The following ORC5 variants were observed in gnomAD, a reference collection of about 807,000 sequenced individuals.
The protein encoded by ORC5 is protein phosphatase 1, regulatory subunit 117.
ORC5 carries 39 observed loss-of-function variants against 58.8 expected under a neutral mutation model. The ratio of observed to expected loss-of-function variants is 0.66; its 90% confidence interval spans 0.51 to 0.87. The LOEUF is 0.87. Among genes scored for constraint, ORC5 ranks in the 40% least tolerant of loss-of-function variants. The pLI, the probability that ORC5 is intolerant of heterozygous loss-of-function variation, is 0.00. For synonymous variants in ORC5, 218 were observed against 177.6 expected (o/e 1.23, Z -1.81); for missense variants, 493 against 506.3 (o/e 0.97, Z 0.25).
At chr7:104,152,560 C>G (rs1798863414) in intron 12 of ORC5, among the ~76,000 whole-genome samples, 2 of 152,114 alleles carry the variant, frequency 1.3e-5, no homozygotes, top group African/African-American at 4.8e-5. Flanking sequence ...TCATTAAGTT[C>G]TATCTAATGC....
At position 104,129,537 on chromosome 7, in the gene ORC5, C is replaced by T. The variant is rs963512177; in HGVS notation, c.1263-2644G>A. Among the ~76,000 whole-genome samples the T allele has an allele frequency of 1.3e-5, 2 of 152,134 alleles. No homozygotes were observed. Among genetic ancestry groups the T allele is most frequent in the African/African-American group, 4.8e-5 (2 of 41,436 alleles). On this transcript the variant is annotated intron_variant, in intron 13 of 13. Transcript: ENST00000297431. This position sits in a 1 kb window ranked among gnomAD's most constrained non-coding sequence, Gnocchi z 4.9. ...TGATCTCACATATATTATTTTAAGACATGGCAGAATTTGTTAGAATAATCA... is the reference window on the plus strand; with the variant it reads ...TGATCTCACATATATTATTTTAAGATATGGCAGAATTTGTTAGAATAATCA...
At chr7:104,186,171 G>A (rs1004914441) in intron 6 of ORC5, among the ~76,000 whole-genome samples, 3 of 150,874 alleles carry the variant, frequency 2.0e-5, no homozygotes, top group East Asian at 3.9e-4. Context: ...ACCCTTGAAC[G>A]ACATAGGTTT....
At chr7:104,187,131 C>T (rs77063645) in intron 6 of ORC5, among the ~76,000 whole-genome samples, 6,778 of 152,210 alleles carry the variant, frequency 0.045, 497 homozygotes, top group African/African-American at 0.15. Flanking sequence ...GGAGGATTAT[C>T]TGCTCCTAAG....
Position 104,136,694 on chromosome 7 carries a change from G to C in ORC5, c.1262+87C>G, listed in dbSNP as rs1376331213. ...GCACTTAAATAGATGATTTTTTCATGTTTAAATGTCATGACTAATGACATC... is the reference window on the plus strand; with the variant it reads ...GCACTTAAATAGATGATTTTTTCATCTTTAAATGTCATGACTAATGACATC... On this transcript the variant is annotated intron_variant, in intron 13 of 13. Coordinates refer to ENST00000297431, the MANE Select transcript of ORC5 (RefSeq NM_002553.4). This position sits in a 1 kb window ranked among gnomAD's most constrained non-coding sequence, Gnocchi z 4.2. The C allele has an allele frequency of 9.8e-6, 8 of 814,348 alleles. No homozygotes were observed. The highest frequency in any genetic ancestry group is 1.4e-5 in the Non-Finnish European group (7 of 492,200). 50.4% of individuals were successfully genotyped at this position (814,348 alleles called of 1,614,324 possible). A position where few individuals can be genotyped will look rare whatever the true frequency, so the allele number is the denominator to read the frequency against.
rs540706532 is a variant in ORC5, at chr7:104,207,967, G to C, written c.-63C>G. The stretch of plus-strand genomic sequence containing the variant: ...CCACAGGACCCTTGCACAAGACGGA[G>C]CCTCTCCCGAGTCTGGCGGCCCACG... On this transcript the variant is annotated 5_prime_UTR_variant, in exon 1 of 14. Transcript: ENST00000297431. 2.5e-5 allele frequency: 37 copies of C among 1,477,564 alleles called. No homozygotes were observed. Among genetic ancestry groups the C allele is most frequent in the East Asian group, 4.6e-5 (2 of 43,618 alleles). 91.5% of individuals were successfully genotyped at this position (1,477,564 alleles called of 1,614,324 possible). A position where few individuals can be genotyped will look rare whatever the true frequency, so the allele number is the denominator to read the frequency against.
At chr7:104,207,743 T>C in intron 1 of ORC5, 90 bp downstream of exon 1, 1 of 1,304,678 alleles carries the variant, frequency 7.7e-7, no homozygotes, top group Non-Finnish European at 1.1e-6. Flanking sequence ...TGGCCCTCAA[T>C]CCAAACACGA....
In ORC5 at chr7:104,168,496, T is replaced by C. The variant is rs199590591; in HGVS notation, c.854A>G (p.Asp285Gly). ...SSQWEKLQKDDTDPGQLKGLS... is the reference protein window; with the variant it reads ...SSQWEKLQKDGTDPGQLKGLS... ...ACCTTTCAGTTGCCCCGGATCTGTG[T>C]CATCTTTCTGTAGCTTTTCCCACTG... is the stretch of plus-strand genomic sequence containing the variant. Residue 285 changes from aspartate to glycine, a missense_variant, in exon 9 of 14, where the codon GAC becomes GGC. Transcript: ENST00000297431. The C allele has an allele frequency of 1.1e-5, 17 of 1,589,880 alleles. No homozygotes were observed. In the Middle Eastern group the frequency reaches 5.0e-4, roughly 47 times the overall value.
intron 8 of ORC5, among the ~76,000 whole-genome samples, chr7:104,182,964 G>A (rs868533556): frequency 7.9e-5 from 12 of 151,984 alleles, no homozygotes; most frequent in East Asian, 3.9e-4. Context: ...TTGAAACCCC[G>A]TCTCTACTAA....
chr7:104,190,960 T>G (rs969734310), intron 5 of ORC5, among the ~76,000 whole-genome samples: 1 of 151,764 alleles, frequency 6.6e-6, no homozygotes, highest in Non-Finnish European at 1.5e-5. Flanking sequence ...ATCTGAAAAT[T>G]TATAAACAGA....
intron 6 of ORC5, 155 bp from the exon 7 acceptor site, chr7:104,184,326 T>A (rs1003375932): frequency 1.2e-5 from 7 of 597,494 alleles, no homozygotes; most frequent in Non-Finnish European, 1.5e-5. Context: ...CATGTGCCTG[T>A]AATCCCAGCT....
intron 5 of ORC5, among the ~76,000 whole-genome samples, chr7:104,188,635 G>C (rs530729849): frequency 3.3e-5 from 5 of 152,262 alleles, no homozygotes; most frequent in Non-Finnish European, 5.9e-5. Flanking sequence ...AGAAGGATAA[G>C]AGGAGTATCT....
chr7:104,181,286 A>G (rs955978342), intron 8 of ORC5, among the ~76,000 whole-genome samples: 2 of 152,222 alleles, frequency 1.3e-5, no homozygotes, highest in South Asian at 2.1e-4. Context: ...TTAGTAAAGT[A>G]TATTTTGTGA....
intron 6 of ORC5, 111 bp downstream of exon 6, chr7:104,188,140 T>C (rs1799589363): frequency 3.1e-6 from 3 of 976,126 alleles, no homozygotes; most frequent in African/African-American, 1.6e-5. Flanking sequence ...TTCTAACCTA[T>C]CTCATACCAT....
intron 3 of ORC5, among the ~76,000 whole-genome samples, chr7:104,199,561 G>A (rs1799886567): frequency 6.6e-6 from 1 of 152,234 alleles, no homozygotes. Context: ...CAGCCCCTTT[G>A]TTTGGGCCAA....
At chr7:104,168,956 C>T (rs1408048384) in intron 8 of ORC5, among the ~76,000 whole-genome samples, 2 of 152,094 alleles carry the variant, frequency 1.3e-5, no homozygotes, top group African/African-American at 2.4e-5. Context: ...GTGGCGCATG[C>T]CTATACTCCC....
intron 6 of ORC5, chr7:104,187,913 T>G: frequency 1.0e-6 from 1 of 995,978 alleles, no homozygotes; most frequent in African/African-American, 1.7e-5. Context: ...TGCTCAAGTT[T>G]TTACATCTCT....
chr7:104,188,942 T>C (rs1799611521), intron 5 of ORC5, among the ~76,000 whole-genome samples: 1 of 152,258 alleles, frequency 6.6e-6, no homozygotes, highest in Admixed American at 6.5e-5. Flanking sequence ...CCTTCCACCA[T>C]GATTCCAAGT....
chr7:104,168,387 T>C (rs757994779), intron 9 of ORC5, 86 bp downstream of exon 9: 7 of 1,539,264 alleles, frequency 4.5e-6, no homozygotes, highest in Non-Finnish European at 6.2e-6. Context: ...ATTTCCTGAC[T>C]GAATGCTCTT....
In ORC5 at chr7:104,129,291, T is replaced by G. The variant is rs1798479837; in HGVS notation, c.1263-2398A>C. Among the ~76,000 whole-genome samples the G allele has an allele frequency of 1.3e-5, 2 of 152,310 alleles. No individual in the cohort carries two copies. Among genetic ancestry groups the G allele is most frequent in the South Asian group, 4.1e-4 (2 of 4,832 alleles). On this transcript the variant is annotated intron_variant, in intron 13 of 13. Coordinates refer to ENST00000297431, the MANE Select transcript of ORC5 (RefSeq NM_002553.4). The surrounding 1 kb of genome is among the most constrained non-coding windows in gnomAD (Gnocchi z 4.9). Reference sequence around the variant, plus strand: ...AATGAATGGAGTGACTTAAAAACACTAAGCAACTTAAATGTTCATAAAACT... The same window carrying G: ...AATGAATGGAGTGACTTAAAAACACGAAGCAACTTAAATGTTCATAAAACT...
Sources: allele counts gnomAD v4.1 joint callset (sites outside exome capture counted in the v4.1 genomes callset), GRCh38; gene constraint gnomAD v4.1.1; non-coding constraint Gnocchi (gnomAD v3.1); transcripts MANE v1.5; gene names NCBI Gene and HGNC (gene_info 2026-07-23, HGNC 2026-07-21).